ZBTB43: variants seen among roughly 807,000 people sequenced by gnomAD.
ZBTB43 encodes zinc finger and BTB domain-containing protein 43.
Under a neutral mutation model 31.1 loss-of-function variants are expected in ZBTB43, and 6 were observed. That is an observed-to-expected ratio of 0.19 (90% CI 0.11 to 0.38). The LOEUF (loss-of-function observed/expected upper bound fraction) is 0.38, where lower values mean the gene tolerates loss of function less well. Among genes scored for constraint, ZBTB43 ranks in the 10% least tolerant of loss-of-function variants. The pLI, the probability that ZBTB43 is intolerant of heterozygous loss-of-function variation, is 1.00. For synonymous variants in ZBTB43, 212 were observed against 221.7 expected, an observed-to-expected ratio of 0.96 and a Z score of 0.39; for missense variants, 379 against 602.1, an observed-to-expected ratio of 0.63 and a Z score of 3.88.
rs1375798689 is a variant in ZBTB43, at chr9:126,836,142, T to TA, written c.*2234dup. ...GACATTGCAGGAGAAGTCTGAGAGG[T>TA]AAAAATACAGATATTCTGGGAGAGT... is the stretch of plus-strand genomic sequence containing the variant. On this transcript the variant is annotated 3_prime_UTR_variant, in exon 3 of 3. Coordinates refer to ENST00000373464, the MANE Select transcript of ZBTB43 (RefSeq NM_014007.4). 6.0e-6 allele frequency: 1 copy of TA among 167,076 alleles called. No individual in the cohort carries two copies. Among genetic ancestry groups the TA allele is most frequent in the African/African-American group, 2.4e-5 (1 of 41,446 alleles). 10.3% of individuals were successfully genotyped at this position (167,076 alleles called of 1,614,324 possible).
At chr9:126,817,414 C>T (rs1263192794) in intron 2 of ZBTB43, among the ~76,000 whole-genome samples, 4 of 149,802 alleles carry the variant, frequency 2.7e-5, no homozygotes, top group Admixed American at 6.7e-5. Flanking sequence ...CCCGGCTGGA[C>T]TGTGACATTT....
At chr9:126,805,866 T>C (rs920510187) in intron 1 of ZBTB43, among the ~76,000 whole-genome samples, 14 of 152,180 alleles carry the variant, frequency 9.2e-5, no homozygotes, top group Non-Finnish European at 1.5e-4. Flanking sequence ...TGAGTTTGGG[T>C]GGGGCAGGGC....
At chr9:126,805,311 C>T (rs2032098455) in intron 1 of ZBTB43, among the ~76,000 whole-genome samples, 179 bp downstream of exon 1, 1 of 152,232 alleles carries the variant, frequency 6.6e-6, no homozygotes, top group South Asian at 2.1e-4. Context: ...AGCTCCGAAT[C>T]CCGCAGTCTT....
intron 1 of ZBTB43, among the ~76,000 whole-genome samples, 175 bp downstream of exon 1, chr9:126,805,307 G>A (rs1344839604): frequency 2.0e-5 from 3 of 152,204 alleles, no homozygotes; most frequent in East Asian, 1.9e-4. Context: ...CTCCAGCTCC[G>A]AATCCCGCAG....
At chr9:126,804,386 C>A (rs1271478340), upstream of ZBTB43, among the ~76,000 whole-genome samples, 1 of 152,164 alleles carries the variant, frequency 6.6e-6, no homozygotes, top group Non-Finnish European at 1.5e-5. Flanking sequence ...AAGGCAGAAA[C>A]GGATTTGGAG....
chr9:126,811,769 G>A (rs1223684153), intron 2 of ZBTB43, among the ~76,000 whole-genome samples: 2 of 152,078 alleles, frequency 1.3e-5, no homozygotes, highest in African/African-American at 4.8e-5. Context: ...GGGACTACAG[G>A]CACCCACCAC....
upstream of ZBTB43, among the ~76,000 whole-genome samples, chr9:126,804,641 C>G (rs1290988974): frequency 6.6e-6 from 1 of 152,072 alleles, no homozygotes; most frequent in African/African-American, 2.4e-5. Context: ...CGCGCAACCA[C>G]GCTCAGCTAA....
At chr9:126,823,360 ATTCT>A (rs1236107363) in intron 2 of ZBTB43, among the ~76,000 whole-genome samples, 1 of 152,158 alleles carries the variant, frequency 6.6e-6, no homozygotes, top group East Asian at 1.9e-4. Flanking sequence ...TCAACATATA[ATTCT>A]TTGTCTCTTG....
intron 2 of ZBTB43, among the ~76,000 whole-genome samples, chr9:126,809,301 G>A (rs1354683590): frequency 2.6e-5 from 4 of 152,174 alleles, no homozygotes; most frequent in African/African-American, 4.8e-5. Flanking sequence ...GTTGCACAAC[G>A]CAGGTTTACA....
At chr9:126,812,851 A>G (rs1403898556) in intron 2 of ZBTB43, among the ~76,000 whole-genome samples, 1 of 152,086 alleles carries the variant, frequency 6.6e-6, no homozygotes, top group African/African-American at 2.4e-5. Flanking sequence ...AATTTCTCCT[A>G]TTCTGTGGGT....
rs1263687281 is a variant in ZBTB43 at position 126,833,867 on chromosome 9, C to T, written c.1358C>T (p.Ser453Phe). 4 of 1,595,350 alleles carry T rather than the reference C, an allele frequency of 2.5e-6. No homozygotes were observed. In the South Asian group the frequency reaches 4.4e-5, roughly 18 times the overall value. Residue 453 changes from serine (S) to phenylalanine (F), a missense_variant, in exon 3 of 3, where the codon TCC (serine) becomes TTC (phenylalanine). Around this residue, in one of 5 missense-constraint regions of ZBTB43, gnomAD observed 21 missense variants for 22.4 expected, o/e 0.94. Transcript: ENST00000373464. The surrounding 1 kb of genome is among the most constrained non-coding windows in gnomAD (Gnocchi z 7.9). ...FHRHVTSCTK[S>F]YEAAKAEQNT... ...CGGCATGTGACTTCTTGTACTAAGT[C>T]CTACGAAGCTGCAAAGGCTGAGCAG...
At chr9:126,822,859 A>G (rs987495747) in intron 2 of ZBTB43, among the ~76,000 whole-genome samples, 1 of 152,214 alleles carries the variant, frequency 6.6e-6, no homozygotes, top group South Asian at 2.1e-4. Flanking sequence ...AGGGATTACA[A>G]CTGGCTGAAG....
intron 2 of ZBTB43, among the ~76,000 whole-genome samples, chr9:126,827,474 G>A (rs1321408846): frequency 1.3e-5 from 2 of 152,184 alleles, no homozygotes; most frequent in Non-Finnish European, 2.9e-5. Context: ...GGGGATTTAT[G>A]CACACTGATC....
chr9:126,809,920 C>T (rs1177223150), intron 2 of ZBTB43, among the ~76,000 whole-genome samples: 3 of 151,752 alleles, frequency 2.0e-5, no homozygotes, highest in Non-Finnish European at 4.4e-5. Context: ...ACTGCAAGCT[C>T]CACCTCCCAG....
At chr9:126,827,507 C>T (rs1335013713) in intron 2 of ZBTB43, among the ~76,000 whole-genome samples, 1 of 152,078 alleles carries the variant, frequency 6.6e-6, no homozygotes, top group Non-Finnish European at 1.5e-5. Flanking sequence ...CAGCAGCCTC[C>T]CTCCATCCAG....
At chr9:126,809,290 T>C (rs913367677) in intron 2 of ZBTB43, among the ~76,000 whole-genome samples, 1 of 152,166 alleles carries the variant, frequency 6.6e-6, no homozygotes, top group African/African-American at 2.4e-5. Flanking sequence ...GATACGGGAG[T>C]GTTGCACAAC....
At chr9:126,822,796 C>G (rs1040850230) in intron 2 of ZBTB43, among the ~76,000 whole-genome samples, 1 of 152,168 alleles carries the variant, frequency 6.6e-6, no homozygotes, top group Non-Finnish European at 1.5e-5. Flanking sequence ...TCAGCAGTCA[C>G]CACCCTGATC....
At chr9:126,823,252 A>G (rs1026645867) in intron 2 of ZBTB43, among the ~76,000 whole-genome samples, 1 of 151,962 alleles carries the variant, frequency 6.6e-6, no homozygotes. Context: ...CCTTCCTTCA[A>G]TTTTATCCAC....
chr9:126,828,645 A>ATGATTATG (rs1564206207), intron 2 of ZBTB43, among the ~76,000 whole-genome samples: 2 of 131,524 alleles, frequency 1.5e-5, no homozygotes, highest in African/African-American at 6.9e-5. Context: ...TAATAATAAT[A>ATGATTATG]ATAATAATAA....
Sources: allele counts gnomAD v4.1 joint callset (sites outside exome capture counted in the v4.1 genomes callset), GRCh38; gene constraint gnomAD v4.1.1; regional missense constraint gnomAD v4.1.1; non-coding constraint Gnocchi (gnomAD v3.1); transcripts MANE v1.5; gene names NCBI Gene and HGNC (gene_info 2026-07-23, HGNC 2026-07-21).